Variants in RTKN2 observed in about 807,000 individuals in gnomAD.
The protein encoded by RTKN2 is rhotekin 2, also known as rhotekin-2.
In RTKN2, 69 loss-of-function variants were observed where a neutral mutation model predicts 71.5. That is an observed-to-expected ratio of 0.96 (90% CI 0.79 to 1.18). The LOEUF is 1.18. Among genes scored for constraint, RTKN2 ranks in the 50% most tolerant of loss-of-function variants. The pLI is 0.00. For synonymous variants in RTKN2, 236 were observed against 236.5 expected, an observed-to-expected ratio of 1.00 and a Z score of 0.02; for missense variants, 724 against 719.7, an observed-to-expected ratio of 1.01 and a Z score of -0.07.
chr10:62,241,520 T>C (rs947356012), intron 3 of RTKN2, among the ~76,000 whole-genome samples: 1 of 152,206 alleles, frequency 6.6e-6, no homozygotes. Context: ...TTGGCTATAC[T>C]TTTATGAATT....
chr10:62,220,149 C>T (rs971083797), intron 7 of RTKN2, among the ~76,000 whole-genome samples: 8 of 152,060 alleles, frequency 5.3e-5, no homozygotes, highest in Non-Finnish European at 4.4e-5. Flanking sequence ...TGCAAGGCAG[C>T]AAAGGTTTGT....
chr10:62,218,280 G>C lies in RTKN2; in HGVS notation c.803C>G (p.Pro268Arg). The C allele has an allele frequency of 6.2e-7, 1 of 1,611,530 alleles. No individual in the cohort carries two copies. Among genetic ancestry groups the C allele is most frequent in the Non-Finnish European group, 8.5e-7 (1 of 1,178,934 alleles). ...TCGGCAGCACATGTTGCCATACAGG[G>C]GAAGCCAAAATGAAGACTCCTCTAT... is the stretch of plus-strand genomic sequence containing the variant. ...NGNEESSFWL[P>R]LYGNMCCRLV... The change falls in exon 8 of 12, where the codon CCC becomes CGC. Residue 268 changes from proline (P) to arginine (R), a missense_variant. By Grantham distance (103) the Pro-to-Arg change is moderately radical. Coordinates refer to ENST00000373789, the MANE Select transcript of RTKN2 (RefSeq NM_145307.4).
At chr10:62,256,928 G>A (rs187142529) in intron 2 of RTKN2, among the ~76,000 whole-genome samples, 60 of 151,982 alleles carry the variant, frequency 3.9e-4, no homozygotes, top group African/African-American at 1.1e-3. Context: ...ACAAATGACA[G>A]TAAGAACCTA....
At chr10:62,188,935 G>A (rs918403867), downstream of RTKN2, among the ~76,000 whole-genome samples, 2 of 151,726 alleles carry the variant, frequency 1.3e-5, no homozygotes, top group Non-Finnish European at 2.9e-5. Flanking sequence ...TTTTAGTAGA[G>A]ACGGGGGATT....
chr10:62,188,900 A>C (rs985544208), downstream of RTKN2, among the ~76,000 whole-genome samples: 1 of 151,712 alleles, frequency 6.6e-6, no homozygotes, highest in Non-Finnish European at 1.5e-5. Flanking sequence ...GGCGCTTGCC[A>C]CCACGCCTGG....
chr10:62,197,320 C>G lies in RTKN2; in HGVS notation c.*588G>C. ...GTTTGAATAGCACATTACAAATTCC[C>G]TTTAAAGATGAAGAATTTAATATTC... On this transcript the variant is annotated 3_prime_UTR_variant, in exon 12 of 12. Transcript: ENST00000373789. The G allele has an allele frequency of 4.1e-6, 4 of 985,064 alleles. No individual in the cohort carries two copies. Among genetic ancestry groups the G allele is most frequent in the Non-Finnish European group, 4.8e-6 (4 of 829,332 alleles). 61.0% of individuals were successfully genotyped at this position (985,064 alleles called of 1,614,324 possible).
Position 62,193,945 on chromosome 10 carries a change from C to A in RTKN2, c.*3963G>T. ...TAAACTGATTCCACCACACTGTCTA[C>A]TTCAATCAGTCTAGTCTAGAGGAGC... On this transcript the variant is annotated 3_prime_UTR_variant, in exon 12 of 12. Coordinates refer to ENST00000373789, the MANE Select transcript of RTKN2 (RefSeq NM_145307.4). 1 of 984,284 alleles carries A rather than the reference C, an allele frequency of 1.0e-6. No homozygotes were observed. Among genetic ancestry groups the A allele is most frequent in the Non-Finnish European group, 1.2e-6 (1 of 828,892 alleles). The allele number at this position is 984,284 out of a possible 1,614,324, so 61.0% of individuals were successfully genotyped here.
chr10:62,192,538 A>C (rs756587766), downstream of RTKN2, among the ~76,000 whole-genome samples: 2 of 152,230 alleles, frequency 1.3e-5, no homozygotes, highest in Admixed American at 1.3e-4. Flanking sequence ...GGAATTACTC[A>C]AAAGGGAAAT....
rs893879937 is a variant in RTKN2 at position 62,200,699 on chromosome 10, C to A, written c.1187-838G>T. Among the ~76,000 whole-genome samples the A allele has an allele frequency of 2.6e-5, 4 of 151,780 alleles. No individual in the cohort carries two copies. The South Asian group carries it at 8.3e-4, about 32-fold the overall frequency. On this transcript the variant is annotated intron_variant, in intron 10 of 11. Coordinates refer to ENST00000373789, the MANE Select transcript of RTKN2 (RefSeq NM_145307.4). ...AAAAATTATTTATTTAACAACTGTC[C>A]CTTTAAGATGATTATCATGCTTTTC...
chr10:62,255,914 T>C (rs1842665799), intron 2 of RTKN2, among the ~76,000 whole-genome samples: 1 of 152,026 alleles, frequency 6.6e-6, no homozygotes, highest in African/African-American at 2.4e-5. Context: ...TGTCCATCTA[T>C]GGCAAAAACA....
At position 62,229,274 on chromosome 10, in the gene RTKN2, G is replaced by A. The variant is rs530723863; in HGVS notation, c.687-5942C>T. 2.0e-5 allele frequency among the ~76,000 whole-genome samples: 3 copies of A among 152,312 alleles called. No individual in the cohort carries two copies. The East Asian group carries it at 5.8e-4, about 29-fold the overall frequency. On this transcript the variant is annotated intron_variant, in intron 6 of 11. Transcript: ENST00000373789. ...ACCTGGAAATGTGGGATATGGTGGA[G>A]AGAGTGGGATACCTACTACAAAGAT...
intron 9 of RTKN2, among the ~76,000 whole-genome samples, chr10:62,206,433 G>A (rs766192971): frequency 6.6e-6 from 1 of 152,020 alleles, no homozygotes; most frequent in African/African-American, 2.4e-5. Context: ...TCCATTCCCT[G>A]AAAAATGGAT....
chr10:62,225,386 C>T (rs1841999930), intron 6 of RTKN2, among the ~76,000 whole-genome samples: 1 of 152,228 alleles, frequency 6.6e-6, no homozygotes, highest in African/African-American at 2.4e-5. Flanking sequence ...CACTCAACCT[C>T]TCCCAGTTTC....
downstream of RTKN2, among the ~76,000 whole-genome samples, chr10:62,192,950 G>C (rs796083533): frequency 6.6e-6 from 1 of 152,020 alleles, no homozygotes; most frequent in Non-Finnish European, 1.5e-5. Flanking sequence ...GTATGAGTAT[G>C]TATGTATGTA....
intron 6 of RTKN2, among the ~76,000 whole-genome samples, chr10:62,225,244 G>C (rs1841996451): frequency 6.6e-6 from 1 of 152,228 alleles, no homozygotes; most frequent in Non-Finnish European, 1.5e-5. Context: ...GGGCCTTTCA[G>C]TCTTTCAGTC....
intron 9 of RTKN2, among the ~76,000 whole-genome samples, chr10:62,207,259 A>C (rs550895071): frequency 5.9e-5 from 9 of 152,122 alleles, no homozygotes; most frequent in Non-Finnish European, 1.2e-4. Flanking sequence ...CTAAGAGAAT[A>C]TAATGCAAAA....
At chr10:62,204,664 A>G (rs1474569797) in intron 10 of RTKN2, among the ~76,000 whole-genome samples, 193 bp downstream of exon 10, 1 of 152,162 alleles carries the variant, frequency 6.6e-6, no homozygotes, top group East Asian at 1.9e-4. Flanking sequence ...ATCCAAACGT[A>G]TACTATACAA....
chr10:62,242,415 AT>A (rs1842395192), intron 3 of RTKN2, among the ~76,000 whole-genome samples: 1 of 152,108 alleles, frequency 6.6e-6, no homozygotes, highest in African/African-American at 2.4e-5. Context: ...TTATTCTTGA[AT>A]AATTAATATT....
intron 2 of RTKN2, among the ~76,000 whole-genome samples, chr10:62,252,388 T>G (rs538622125): frequency 1.3e-5 from 2 of 152,148 alleles, no homozygotes; most frequent in African/African-American, 4.8e-5. Context: ...AAAAACACCT[T>G]AAACATGCAA....
Sources: allele counts gnomAD v4.1 joint callset (sites outside exome capture counted in the v4.1 genomes callset), GRCh38; gene constraint gnomAD v4.1.1; transcripts MANE v1.5; gene names NCBI Gene and HGNC (gene_info 2026-07-23, HGNC 2026-07-21).